The following GTF2E2 variants were observed in gnomAD, a reference collection of about 807,000 sequenced individuals.
GTF2E2 encodes transcription initiation factor IIE subunit beta.
GTF2E2 carries 21 observed loss-of-function variants against 40.5 expected under a neutral mutation model. The observed-to-expected ratio is 0.52, with a 90% CI of 0.37 to 0.75. The LOEUF is 0.75. GTF2E2 is among the 30% of genes least tolerant of loss of function. The probability of loss-of-function intolerance (pLI) is 0.00; values close to 1 mark genes in which losing one functional copy is unlikely to be tolerated. For missense variants in GTF2E2, 298 were observed against 338.4 expected, an observed-to-expected ratio of 0.88 and a Z score of 0.94; for synonymous variants, 117 against 121.6, an observed-to-expected ratio of 0.96 and a Z score of 0.25.
chr8:30,621,219 C>T (rs914434502), intron 3 of GTF2E2, among the ~76,000 whole-genome samples: 1 of 151,946 alleles, frequency 6.6e-6, no homozygotes, highest in Non-Finnish European at 1.5e-5. Flanking sequence ...TAAGAATACA[C>T]CTCAAGAAAA....
At chr8:30,644,863 G>C (rs1338618536) in intron 2 of GTF2E2, among the ~76,000 whole-genome samples, 3 of 151,500 alleles carry the variant, frequency 2.0e-5, no homozygotes, top group Non-Finnish European at 2.9e-5. Flanking sequence ...CAATCTTCCC[G>C]GCTTAGCCTC....
In GTF2E2 at chr8:30,600,650, C is replaced by A. The variant is rs144893163; in HGVS notation, c.643+6407G>T. ...AAAAGATAAAACCTACAATCTAACT[C>A]CTCAGCACCAGCCTCTTCCCCATCA... is the stretch of plus-strand genomic sequence containing the variant. On this transcript the variant is annotated intron_variant, in intron 6 of 7. Transcript: ENST00000355904. 5.2e-3 allele frequency among the ~76,000 whole-genome samples: 791 copies of A among 152,234 alleles called. 11 individuals are homozygous for A. The highest frequency in any genetic ancestry group is 0.018 in the African/African-American group (750 of 41,522).
chr8:30,644,078 T>C (rs184630961), intron 2 of GTF2E2, among the ~76,000 whole-genome samples: 196 of 152,366 alleles, frequency 1.3e-3, no homozygotes, highest in African/African-American at 4.5e-3. Flanking sequence ...TATCTTATAA[T>C]TTTTAAAACT....
chr8:30,621,351 T>C (rs1801095844), intron 3 of GTF2E2, among the ~76,000 whole-genome samples: 1 of 152,128 alleles, frequency 6.6e-6, no homozygotes, highest in African/African-American at 2.4e-5. Context: ...CCATTTTCAC[T>C]GAGCTTTGTA....
chr8:30,649,629 G>A (rs948661170), intron 2 of GTF2E2, among the ~76,000 whole-genome samples: 1 of 152,170 alleles, frequency 6.6e-6, no homozygotes, highest in Admixed American at 6.5e-5. Flanking sequence ...CAGATCACCT[G>A]AGGTCAGGAG....
Position 30,630,542 on chromosome 8 carries a change from G to T in GTF2E2, c.258+4490C>A, listed in dbSNP as rs140757132. 1.4e-3 allele frequency among the ~76,000 whole-genome samples: 210 copies of T among 152,144 alleles called. 4 individuals are homozygous for T. The highest frequency in any genetic ancestry group is 0.011 in the Admixed American group (162 of 15,276). On this transcript the variant is annotated intron_variant, in intron 3 of 7. Coordinates refer to ENST00000355904, the MANE Select transcript of GTF2E2 (RefSeq NM_002095.6). ...CAAAAGACAGTGGGAGACTTTCCAA[G>T]AATCTGTTTACAGATACCTTCCAAA...
chr8:30,640,317 C>CT (rs1162458256), intron 2 of GTF2E2, among the ~76,000 whole-genome samples: 1 of 152,186 alleles, frequency 6.6e-6, no homozygotes, highest in Non-Finnish European at 1.5e-5. Context: ...TCTCATCTGG[C>CT]AACCCAAAGG....
intron 6 of GTF2E2, among the ~76,000 whole-genome samples, chr8:30,586,291 G>A (rs1828681082): frequency 1.3e-5 from 2 of 151,980 alleles, no homozygotes; most frequent in Admixed American, 1.3e-4. Flanking sequence ...ATAATTTCTT[G>A]TGTGCTACAC....
chr8:30,587,467 T>C (rs902668797), intron 6 of GTF2E2, among the ~76,000 whole-genome samples: 1 of 24,258 alleles, frequency 4.1e-5, no homozygotes, highest in African/African-American at 1.3e-4. Flanking sequence ...CTCAAAATAA[T>C]AGCAAAAAAA....
Position 30,652,815 on chromosome 8 carries a change from G to A in GTF2E2, c.166+618C>T, listed in dbSNP as rs540982902. Reference sequence around the variant, plus strand: ...AAAAGTGAAAATAATCCAAATAACCGTTTATTGGTGAATGGATAAACAAAC... The same window carrying A: ...AAAAGTGAAAATAATCCAAATAACCATTTATTGGTGAATGGATAAACAAAC... On this transcript the variant is annotated intron_variant, in intron 2 of 7. Transcript: ENST00000355904. Among the ~76,000 whole-genome samples, 6 of 152,186 alleles carry A rather than the reference G, an allele frequency of 3.9e-5. No homozygotes were observed. The South Asian group carries it at 8.3e-4, about 21-fold the overall frequency.
chr8:30,579,678 G>C (rs1292109764), intron 7 of GTF2E2, among the ~76,000 whole-genome samples: 1 of 152,144 alleles, frequency 6.6e-6, no homozygotes, highest in Non-Finnish European at 1.5e-5. Context: ...AAGGAAAGGG[G>C]GGAGGAGCAC....
At chr8:30,592,805 T>C (rs1338773792) in intron 6 of GTF2E2, among the ~76,000 whole-genome samples, 2 of 152,210 alleles carry the variant, frequency 1.3e-5, no homozygotes, top group East Asian at 1.9e-4. Context: ...CCAAAAGACA[T>C]GGAGGGCCAA....
At chr8:30,608,465 T>TA (rs945087798) in intron 5 of GTF2E2, among the ~76,000 whole-genome samples, 2 of 152,246 alleles carry the variant, frequency 1.3e-5, no homozygotes, top group African/African-American at 4.8e-5. Context: ...GTTAAATTCT[T>TA]ACTAAAATCT....
chr8:30,626,634 T>C (rs889051498), intron 3 of GTF2E2, among the ~76,000 whole-genome samples: 13 of 152,310 alleles, frequency 8.5e-5, no homozygotes, highest in East Asian at 3.9e-4. Context: ...GAAGATACAA[T>C]TTACAAGAGA....
At chr8:30,652,194 A>T (rs1002282030) in intron 2 of GTF2E2, among the ~76,000 whole-genome samples, 2 of 152,152 alleles carry the variant, frequency 1.3e-5, no homozygotes, top group South Asian at 2.1e-4. Flanking sequence ...CAAGAATACA[A>T]ATGATAAAAG....
chr8:30,652,941 G>GA (rs1008169696), intron 2 of GTF2E2, among the ~76,000 whole-genome samples: 29 of 152,004 alleles, frequency 1.9e-4, no homozygotes, highest in Non-Finnish European at 3.5e-4. Flanking sequence ...TATGCCAAGT[G>GA]AAAAAAACAA....
intron 6 of GTF2E2, among the ~76,000 whole-genome samples, chr8:30,585,644 T>A (rs1040404365): frequency 6.6e-6 from 1 of 151,982 alleles, no homozygotes; most frequent in Non-Finnish European, 1.5e-5. Context: ...TAGTGTAAAA[T>A]TTTAAAGAAA....
chr8:30,604,941 G>C (rs1829280247), intron 6 of GTF2E2, among the ~76,000 whole-genome samples: 1 of 152,134 alleles, frequency 6.6e-6, no homozygotes, highest in Admixed American at 6.6e-5. Flanking sequence ...TAAAACAATA[G>C]TATCCACAGA....
intron 7 of GTF2E2, 116 bp downstream of exon 7, chr8:30,580,165 G>A (rs74958442): frequency 4.4e-6 from 3 of 680,564 alleles, no homozygotes; most frequent in East Asian, 2.7e-5. Context: ...CCTGGGCTGC[G>A]GACACTGAGA....
Sources: allele counts gnomAD v4.1 joint callset (sites outside exome capture counted in the v4.1 genomes callset), GRCh38; gene constraint gnomAD v4.1.1; transcripts MANE v1.5; gene names NCBI Gene and HGNC (gene_info 2026-07-23, HGNC 2026-07-21).